Variants in ENDOU observed in about 807,000 individuals in gnomAD.
The protein encoded by ENDOU is endonuclease, poly(U) specific, also known as uridylate-specific endoribonuclease.
Under a neutral mutation model 54.2 loss-of-function variants are expected in ENDOU, and 49 were observed. That is an observed-to-expected ratio of 0.90 (90% CI 0.72 to 1.15). The LOEUF (loss-of-function observed/expected upper bound fraction) is 1.15, where lower values mean the gene tolerates loss of function less well. Ranked by LOEUF, ENDOU falls within the 50% of genes most tolerant of loss-of-function variation. The pLI is 0.00. For synonymous variants in ENDOU, 172 were observed against 190.5 expected, an observed-to-expected ratio of 0.90 and a Z score of 0.80; for missense variants, 458 against 511.4, an observed-to-expected ratio of 0.90 and a Z score of 1.01.
At chr12:47,723,512 C>T (rs548248952) in intron 1 of ENDOU, among the ~76,000 whole-genome samples, 13 of 152,344 alleles carry the variant, frequency 8.5e-5, no homozygotes, top group African/African-American at 3.1e-4. Context: ...TGCCTCACCT[C>T]TCTGACTCTC....
intron 3 of ENDOU, 85 bp downstream of exon 3, chr12:47,718,044 G>T: frequency 8.4e-7 from 1 of 1,195,024 alleles, no homozygotes; most frequent in Non-Finnish European, 1.2e-6. Context: ...TGGGCCTGGT[G>T]CCACTGCCAT....
chr12:47,718,810 A>G (rs1940343826), intron 2 of ENDOU, among the ~76,000 whole-genome samples: 1 of 152,140 alleles, frequency 6.6e-6, no homozygotes, highest in African/African-American at 2.4e-5. Flanking sequence ...GGGGTGATGC[A>G]GGGGGGAGAA....
chr12:47,710,917 C>A lies in ENDOU; in HGVS notation c.1118G>T (p.Cys373Phe), dbSNP rs769531657. The change falls in exon 10 of 10, where the codon TGC (cysteine) becomes TTC (phenylalanine). Residue 373 changes from cysteine to phenylalanine, a missense_variant and splice_region_variant. Coordinates refer to ENST00000422538, the MANE Select transcript of ENDOU (RefSeq NM_001172439.2). ...GGGATATCCTCCCAGGCTTAACTGG[C>A]ACCTGTGGGGAAAGAGCCTGAAATC... ...LCFIARPGKV[C>F]QLSLGGYPLA... 1.9e-6 allele frequency: 3 copies of A among 1,605,556 alleles called. No individual in the cohort carries two copies. The highest frequency in any genetic ancestry group is 1.1e-5 in the South Asian group (1 of 90,800).
At chr12:47,713,423 G>A (rs1352236406) in intron 6 of ENDOU, 35 bp from the exon 7 acceptor site, 2 of 1,485,186 alleles carry the variant, frequency 1.3e-6, no homozygotes, top group Non-Finnish European at 9.4e-7. Context: ...GGAGAGGGGA[G>A]GCAGGGCCAG....
intron 7 of ENDOU, among the ~76,000 whole-genome samples, chr12:47,713,015 T>C (rs990694676): frequency 2.6e-5 from 4 of 152,126 alleles, no homozygotes; most frequent in Admixed American, 2.0e-4. Flanking sequence ...GACACATGTC[T>C]TGTCCTAGAT....
chr12:47,719,765 T>A (rs942188227), intron 2 of ENDOU: 8 of 152,170 alleles, frequency 5.3e-5, no homozygotes, highest in African/African-American at 1.7e-4. Flanking sequence ...CATAGCAGTA[T>A]GAAAATGGAC....
At chr12:47,722,637 A>G (rs1466392897) in intron 1 of ENDOU, among the ~76,000 whole-genome samples, 1 of 152,178 alleles carries the variant, frequency 6.6e-6, no homozygotes, top group Non-Finnish European at 1.5e-5. Flanking sequence ...CCCCGTCGAC[A>G]CACTTAATCT....
chr12:47,724,557 G>T (rs1258171332), intron 1 of ENDOU, among the ~76,000 whole-genome samples: 6 of 152,100 alleles, frequency 3.9e-5, no homozygotes, highest in Non-Finnish European at 8.8e-5. Flanking sequence ...CTACACAGGA[G>T]CAACCCAGTG....
chr12:47,722,846 T>A (rs1314202210), intron 1 of ENDOU, among the ~76,000 whole-genome samples: 1 of 152,216 alleles, frequency 6.6e-6, no homozygotes, highest in Non-Finnish European at 1.5e-5. Context: ...AAGGCAGGTT[T>A]CCAGTCCCTA....
chr12:47,720,891 G>T lies in ENDOU; in HGVS notation c.56-16C>A. On this transcript the variant is annotated splice_polypyrimidine_tract_variant and intron_variant, in intron 1 of 9. Transcript: ENST00000422538. ...TCTATTTTTCCTATGGGCAGTAAAG[G>T]TCACCAACTCAGCTCTATGGAGACC... The T allele has an allele frequency of 6.5e-7, 1 of 1,535,842 alleles. No individual in the cohort carries two copies. Among genetic ancestry groups the T allele is most frequent in the Non-Finnish European group, 8.7e-7 (1 of 1,146,738 alleles).
rs1940245513 is a variant in ENDOU at position 47,716,601 on chromosome 12, G to A, written c.552-102C>T. The A allele has an allele frequency of 2.7e-6, 3 of 1,092,266 alleles. No individual in the cohort carries two copies. The Admixed American group carries it at 7.0e-5, about 25-fold the overall frequency. The allele number at this position is 1,092,266 out of a possible 1,614,324, so 67.7% of individuals were successfully genotyped here. Reference sequence around the variant, plus strand: ...CCAGGGGCAGACAGGCGAGGGCTGGGTTCAGGAGCCGAGGGGGCACTTCGG... The same window carrying A: ...CCAGGGGCAGACAGGCGAGGGCTGGATTCAGGAGCCGAGGGGGCACTTCGG... On this transcript the variant is annotated intron_variant, in intron 5 of 9. Transcript: ENST00000422538.
intron 6 of ENDOU, 138 bp downstream of exon 6, chr12:47,716,162 C>T: frequency 2.4e-6 from 2 of 831,842 alleles, no homozygotes; most frequent in South Asian, 1.5e-5. Flanking sequence ...CCTCATCCCT[C>T]ATCCCTCCCA....
chr12:47,723,478 A>G (rs1940498205), intron 1 of ENDOU, among the ~76,000 whole-genome samples: 1 of 152,212 alleles, frequency 6.6e-6, no homozygotes, highest in Admixed American at 6.5e-5. Context: ...TCACTGCTGT[A>G]GTAACCTGTG....
intron 3 of ENDOU, 179 bp from the exon 4 acceptor site, chr12:47,717,834 C>A (rs1940309649): frequency 1.6e-6 from 1 of 645,000 alleles, no homozygotes; most frequent in Non-Finnish European, 2.6e-6. Context: ...CTTTCTGATG[C>A]CGAACTTTAC....
At chr12:47,716,560 G>A in intron 5 of ENDOU, 61 bp from the exon 6 acceptor site, 3 of 1,515,812 alleles carry the variant, frequency 2.0e-6, no homozygotes, top group Non-Finnish European at 2.7e-6. Context: ...GACCCCTCCA[G>A]AGACTTCTAG....
intron 8 of ENDOU, 114 bp downstream of exon 8, chr12:47,712,402 T>A: frequency 1.3e-6 from 1 of 753,440 alleles, no homozygotes; most frequent in Non-Finnish European, 2.2e-6. Context: ...ATAGTCACAA[T>A]CACCTGGGGC....
At chr12:47,716,842 G>A in intron 5 of ENDOU, 48 bp downstream of exon 5, 3 of 1,595,570 alleles carry the variant, frequency 1.9e-6, no homozygotes, top group Non-Finnish European at 2.6e-6. Context: ...AAGAAGCAAG[G>A]ATAGGGGCAA....
chr12:47,712,950 G>A (rs749836644), intron 7 of ENDOU, among the ~76,000 whole-genome samples: 2 of 152,132 alleles, frequency 1.3e-5, no homozygotes, highest in African/African-American at 2.4e-5. Context: ...TTGGGAAGCA[G>A]CTGGCCAGGC....
chr12:47,712,443 T>A (rs574927183), intron 8 of ENDOU, 73 bp downstream of exon 8: 4 of 1,189,426 alleles, frequency 3.4e-6, no homozygotes, highest in Non-Finnish European at 4.9e-6. Context: ...GAGAGGCAAG[T>A]CGACAGTTTG....
Sources: allele counts gnomAD v4.1 joint callset (sites outside exome capture counted in the v4.1 genomes callset), GRCh38; gene constraint gnomAD v4.1.1; transcripts MANE v1.5; gene names NCBI Gene and HGNC (gene_info 2026-07-23, HGNC 2026-07-21).